FNTB: variants seen among roughly 807,000 people sequenced by gnomAD.
FNTB encodes the protein farnesyltransferase, CAAX box, subunit beta.
Under a neutral mutation model 59.4 loss-of-function variants are expected in FNTB, and 27 were observed. That is an observed-to-expected ratio of 0.45 (90% confidence interval 0.34 to 0.63). The LOEUF (loss-of-function observed/expected upper bound fraction) is 0.63, where lower values mean the gene tolerates loss of function less well. FNTB is among the 20% of genes least tolerant of loss of function. The probability of loss-of-function intolerance (pLI) is 0.02; values close to 1 mark genes in which losing one functional copy is unlikely to be tolerated. For synonymous variants in FNTB, 230 were observed against 220.7 expected, an observed-to-expected ratio of 1.04 and a Z score of -0.37; for missense variants, 449 against 559.6, an observed-to-expected ratio of 0.80 and a Z score of 1.99.
intron 4 of FNTB, among the ~76,000 whole-genome samples, chr14:65,016,761 AC>A (rs1430608451): frequency 6.6e-6 from 1 of 152,046 alleles, no homozygotes; most frequent in East Asian, 1.9e-4. Flanking sequence ...TAGGCCATTA[AC>A]CCTTGTGGTA....
rs1278712474 is a variant in FNTB at position 65,061,727 on chromosome 14, G to C, written c.*415G>C. On this transcript the variant is annotated 3_prime_UTR_variant, in exon 12 of 12. Transcript: ENST00000246166. ...GGGTGCCCTCCGATGGGTGGAATAAGTCTGCTTCATGCCAAGGCTGGGCTT... is the reference window on the plus strand; with the variant it reads ...GGGTGCCCTCCGATGGGTGGAATAACTCTGCTTCATGCCAAGGCTGGGCTT... 1 of 174,162 alleles carries C rather than the reference G, an allele frequency of 5.7e-6. No individual in the cohort carries two copies. Among genetic ancestry groups the C allele is most frequent in the Non-Finnish European group, 1.3e-5 (1 of 79,796 alleles). The allele number at this position is 174,162 out of a possible 1,614,324, so 10.8% of individuals were successfully genotyped here. A position where few individuals can be genotyped will look rare whatever the true frequency, so the allele number is the denominator to read the frequency against.
At position 64,990,585 on chromosome 14, in the gene FNTB, A is replaced by G. The variant is rs1230017032; in HGVS notation, c.144+3488A>G. ...CTGCATTTTCTCTTGTGGTTTCCCT[A>G]CACCTGCCCACATCTTTGTAAATAG... On this transcript the variant is annotated intron_variant, in intron 1 of 11. Transcript: ENST00000246166. The surrounding 1 kb of genome is among the most constrained non-coding windows in gnomAD (Gnocchi z 5.2). Among the ~76,000 whole-genome samples, 2 of 152,112 alleles carry G rather than the reference A, an allele frequency of 1.3e-5. No homozygotes were observed. The highest frequency in any genetic ancestry group is 6.5e-5 in the Admixed American group (1 of 15,276).
At chr14:65,004,590 C>A (rs1042902302) in intron 2 of FNTB, among the ~76,000 whole-genome samples, 1 of 152,130 alleles carries the variant, frequency 6.6e-6, no homozygotes, top group African/African-American at 2.4e-5. Flanking sequence ...GAGAGGAATT[C>A]CAGGTTTTTG....
chr14:65,021,994 C>T (rs1233321571), intron 4 of FNTB: 2 of 455,892 alleles, frequency 4.4e-6, no homozygotes, highest in African/African-American at 4.0e-5. Context: ...CAGCAGCCAT[C>T]CAGAGACTTG....
At chr14:65,003,291 T>C (rs771561930) in intron 1 of FNTB, 13 of 152,214 alleles carry the variant, frequency 8.5e-5, no homozygotes, top group Non-Finnish European at 1.8e-4. Flanking sequence ...TTTAATATTT[T>C]AACTGTTCAG....
At position 65,001,957 on chromosome 14, in the gene FNTB, T is replaced by G. The variant is rs1888616674; in HGVS notation, c.145-2292T>G. On this transcript the variant is annotated intron_variant, in intron 1 of 11. Transcript: ENST00000246166. This position sits in a 1 kb window ranked among gnomAD's most constrained non-coding sequence, Gnocchi z 5.5. ...GTTCAAAAGCAAATATCAAAGCGTATTCTAAAACCAGATGTAAATTAATTT... is the reference window on the plus strand; with the variant it reads ...GTTCAAAAGCAAATATCAAAGCGTAGTCTAAAACCAGATGTAAATTAATTT... Among the ~76,000 whole-genome samples, 2 of 152,218 alleles carry G rather than the reference T, an allele frequency of 1.3e-5. No individual in the cohort carries two copies. The highest frequency in any genetic ancestry group is 6.5e-5 in the Admixed American group (1 of 15,280).
intron 8 of FNTB, among the ~76,000 whole-genome samples, chr14:65,041,993 G>C (rs1476851219): frequency 6.6e-6 from 1 of 152,028 alleles, no homozygotes; most frequent in Non-Finnish European, 1.5e-5. Flanking sequence ...ATCTCTTTTA[G>C]CTTGATATTT....
At chr14:65,033,478 G>T (rs1271229958) in intron 7 of FNTB, among the ~76,000 whole-genome samples, 2 of 152,188 alleles carry the variant, frequency 1.3e-5, no homozygotes, top group Non-Finnish European at 2.9e-5. Context: ...AAGTGTATAT[G>T]GCTAATTCTA....
rs1168335596 is a variant in FNTB, at chr14:64,990,051, A to G, written c.144+2954A>G. On this transcript the variant is annotated intron_variant, in intron 1 of 11. Transcript: ENST00000246166. The surrounding 1 kb of genome is among the most constrained non-coding windows in gnomAD (Gnocchi z 5.2). ...GAGGAAGCCATCATGGATCTGGTGC[A>G]AGAGTATTCTGGGCAGAGAAAGCAG... 3.9e-5 allele frequency among the ~76,000 whole-genome samples: 6 copies of G among 152,162 alleles called. No individual in the cohort carries two copies. Among genetic ancestry groups the G allele is most frequent in the Non-Finnish European group, 1.5e-5 (1 of 68,024 alleles).
In FNTB at chr14:65,032,752, A is replaced by C. The variant is rs1027102783; in HGVS notation, c.692+56A>C. On this transcript the variant is annotated intron_variant, in intron 7 of 11. Transcript: ENST00000246166. The surrounding 1 kb of genome is among the most constrained non-coding windows in gnomAD (Gnocchi z 5.0). The stretch of plus-strand genomic sequence containing the variant: ...TTGGAGAGCAGGCGGTCACGACACT[A>C]CTTCAGAAAAATAAAGAAAATGCAG... The C allele has an allele frequency of 1.3e-6, 2 of 1,540,616 alleles. No homozygotes were observed. The highest frequency in any genetic ancestry group is 2.8e-5 in the African/African-American group (2 of 72,024).
intron 4 of FNTB, among the ~76,000 whole-genome samples, chr14:65,024,858 A>G (rs572319148): frequency 3.2e-4 from 49 of 152,276 alleles, no homozygotes; most frequent in African/African-American, 1.1e-3. Flanking sequence ...GCTTCAAGCA[A>G]TCCTCCTGCC....
At chr14:65,053,521 A>G (rs1005778810) in intron 10 of FNTB, among the ~76,000 whole-genome samples, 172 bp downstream of exon 10, 1 of 151,826 alleles carries the variant, frequency 6.6e-6, no homozygotes, top group Non-Finnish European at 1.5e-5. Flanking sequence ...CCTTGAGGCC[A>G]TTGATCTTGG....
At chr14:65,026,479 C>T (rs989743869) in intron 4 of FNTB, among the ~76,000 whole-genome samples, 1 of 152,150 alleles carries the variant, frequency 6.6e-6, no homozygotes, top group African/African-American at 2.4e-5. Flanking sequence ...CAGTGCAGCT[C>T]CTCTTATGTT....
intron 9 of FNTB, among the ~76,000 whole-genome samples, chr14:65,048,475 G>A (rs559766935): frequency 4.6e-5 from 7 of 152,338 alleles, no homozygotes; most frequent in African/African-American, 1.7e-4. Context: ...CCCTGACCCA[G>A]CAAGTGACCA....
chr14:65,023,932 C>A lies in FNTB; in HGVS notation c.375-3521C>A, dbSNP rs1215945539. Reference sequence around the variant, plus strand: ...CCTGGGCAACACAGTGAAACCCTGACTCTACTAAAAAATACAAAAATTAGC... The same window carrying A: ...CCTGGGCAACACAGTGAAACCCTGAATCTACTAAAAAATACAAAAATTAGC... On this transcript the variant is annotated intron_variant, in intron 4 of 11. Coordinates refer to ENST00000246166, the MANE Select transcript of FNTB (RefSeq NM_002028.4). This position sits in a 1 kb window ranked among gnomAD's most constrained non-coding sequence, Gnocchi z 4.1. Among the ~76,000 whole-genome samples the A allele has an allele frequency of 2.6e-5, 4 of 152,182 alleles. No homozygotes were observed. The East Asian group carries it at 7.7e-4, about 29-fold the overall frequency.
chr14:65,056,620 G>A, intron 11 of FNTB, among the ~76,000 whole-genome samples: 1 of 152,142 alleles, frequency 6.6e-6, no homozygotes, highest in East Asian at 1.9e-4. Flanking sequence ...CATTTGTGTT[G>A]TCTTCTGCGA....
chr14:65,027,250 A>T lies in FNTB; in HGVS notation c.375-203A>T, dbSNP rs528210087. ...ACAAGCGCTTAAGTACGAAACTCAG[A>T]GGAGGGCAGACAGAAATGATGATAG... On this transcript the variant is annotated intron_variant, in intron 4 of 11. Coordinates refer to ENST00000246166, the MANE Select transcript of FNTB (RefSeq NM_002028.4). This position sits in a 1 kb window ranked among gnomAD's most constrained non-coding sequence, Gnocchi z 5.7. 1 of 803,810 alleles carries T rather than the reference A, an allele frequency of 1.2e-6. No individual in the cohort carries two copies. The allele number at this position is 803,810 out of a possible 1,614,324, so 49.8% of individuals were successfully genotyped here.
Position 65,061,058 on chromosome 14 carries a change from C to A in FNTB, c.1183-123C>A, listed in dbSNP as rs1255566152. Reference sequence around the variant, plus strand: ...AATACACCATTTTTGAACCTTTGGGCTTTGTGTGTATCTCTGATTCCTTAT... The same window carrying A: ...AATACACCATTTTTGAACCTTTGGGATTTGTGTGTATCTCTGATTCCTTAT... On this transcript the variant is annotated intron_variant, in intron 11 of 11. Transcript: ENST00000246166. 3 of 1,479,500 alleles carry A rather than the reference C, an allele frequency of 2.0e-6. No individual in the cohort carries two copies. In the Admixed American group the frequency reaches 6.4e-5, roughly 32 times the overall value. 91.6% of individuals were successfully genotyped at this position (1,479,500 alleles called of 1,614,324 possible). A position where few individuals can be genotyped will look rare whatever the true frequency, so the allele number is the denominator to read the frequency against.
At position 65,023,130 on chromosome 14, in the gene FNTB, T is replaced by C. The variant is rs1292635069; in HGVS notation, c.375-4323T>C. On this transcript the variant is annotated intron_variant, in intron 4 of 11. Transcript: ENST00000246166. The surrounding 1 kb of genome is among the most constrained non-coding windows in gnomAD (Gnocchi z 4.1). ...TGGAATGCAGTGGCACAATCACAGC[T>C]CACTGCAACCTGGACTTCCCCAAGC... Among the ~76,000 whole-genome samples, 1 of 152,202 alleles carries C rather than the reference T, an allele frequency of 6.6e-6. No individual in the cohort carries two copies. The highest frequency in any genetic ancestry group is 1.5e-5 in the Non-Finnish European group (1 of 68,032).
Sources: allele counts gnomAD v4.1 joint callset (sites outside exome capture counted in the v4.1 genomes callset), GRCh38; gene constraint gnomAD v4.1.1; non-coding constraint Gnocchi (gnomAD v3.1); transcripts MANE v1.5; gene names NCBI Gene and HGNC (gene_info 2026-07-23, HGNC 2026-07-21).